Variants in SHCBP1L observed in about 807,000 individuals in gnomAD.
SHCBP1L encodes SHC binding and spindle associated 1 like, also known as testicular spindle-associated protein SHCBP1L.
SHCBP1L carries 67 observed loss-of-function variants against 62.5 expected under a neutral mutation model. That is an observed-to-expected ratio of 1.07 (90% CI 0.88 to 1.31). The LOEUF is 1.31. SHCBP1L is among the 40% of genes most tolerant of loss of function. The pLI, the probability that SHCBP1L is intolerant of heterozygous loss-of-function variation, is 0.00. For missense variants in SHCBP1L, 823 were observed against 809.8 expected, an observed-to-expected ratio of 1.02 and a Z score of -0.20; for synonymous variants, 284 against 289.4, an observed-to-expected ratio of 0.98 and a Z score of 0.19.
At chr1:182,946,266 T>A (rs1651562872) in intron 2 of SHCBP1L, among the ~76,000 whole-genome samples, 1 of 152,112 alleles carries the variant, frequency 6.6e-6, no homozygotes, top group African/African-American at 2.4e-5. Flanking sequence ...ACCTTTACAA[T>A]TTGACAATTT....
At chr1:182,918,620 T>C (rs1650433083) in intron 6 of SHCBP1L, among the ~76,000 whole-genome samples, 1 of 152,170 alleles carries the variant, frequency 6.6e-6, no homozygotes, top group Non-Finnish European at 1.5e-5. Context: ...CCTATCAGAA[T>C]TTCAATAGCC....
At chr1:182,934,580 C>T (rs865896331) in intron 5 of SHCBP1L, among the ~76,000 whole-genome samples, 2 of 152,164 alleles carry the variant, frequency 1.3e-5, no homozygotes, top group Middle Eastern at 6.8e-3. Context: ...ATTTTAGATA[C>T]AAGTCTATCA....
chr1:182,944,876 T>A (rs1651500613), intron 2 of SHCBP1L, among the ~76,000 whole-genome samples: 1 of 152,172 alleles, frequency 6.6e-6, no homozygotes, highest in Admixed American at 6.5e-5. Context: ...TGAGCTGATT[T>A]TTCATTCCTG....
intron 5 of SHCBP1L, among the ~76,000 whole-genome samples, chr1:182,937,514 T>A (rs919469241): frequency 2.0e-5 from 3 of 152,200 alleles, no homozygotes. Context: ...ATATTTATCC[T>A]GTTTGGTGTT....
chr1:182,910,895 G>T (rs535911785), intron 6 of SHCBP1L, among the ~76,000 whole-genome samples: 1 of 151,892 alleles, frequency 6.6e-6, no homozygotes, highest in Non-Finnish European at 1.5e-5. Flanking sequence ...TTTTGTTGTT[G>T]TGGTTTTTTT....
At chr1:182,912,019 A>G (rs566090085) in intron 6 of SHCBP1L, among the ~76,000 whole-genome samples, 13 of 152,352 alleles carry the variant, frequency 8.5e-5, no homozygotes, top group African/African-American at 2.9e-4. Flanking sequence ...TTTTTGTTAT[A>G]ATGTTGGGTG....
chr1:182,906,672 T>G (rs1650024503), intron 6 of SHCBP1L, among the ~76,000 whole-genome samples: 1 of 151,516 alleles, frequency 6.6e-6, no homozygotes, highest in Non-Finnish European at 1.5e-5. Flanking sequence ...CCTCAGGTGG[T>G]CCACCTGCCT....
rs556523444 is a variant in SHCBP1L at position 182,904,374 on chromosome 1, C to T, written c.1393G>A (p.Val465Met). ...TTCACATTGTCAGCTTTGGACACCA[C>T]AAAACTGTCACGAGAAGGTTCAGAA... ...ITSEPSRDSF[V>M]VSKADNVKLM... Residue 465 changes from valine (V) to methionine (M), a missense_variant, in exon 8 of 10, where the codon GTG (valine) becomes ATG (methionine). Transcript: ENST00000367547. 8 of 1,614,178 alleles carry T rather than the reference C, an allele frequency of 5.0e-6. No individual in the cohort carries two copies. The South Asian group carries it at 7.7e-5, about 16-fold the overall frequency.
chr1:182,907,007 G>T (rs182082772), intron 6 of SHCBP1L, among the ~76,000 whole-genome samples: 37 of 151,650 alleles, frequency 2.4e-4, no homozygotes, highest in African/African-American at 8.7e-4. Context: ...TTGTAGAGGT[G>T]GGGTTTCTCT....
At chr1:182,918,203 T>C (rs1251502878) in intron 6 of SHCBP1L, among the ~76,000 whole-genome samples, 4 of 147,558 alleles carry the variant, frequency 2.7e-5, no homozygotes, top group South Asian at 2.1e-4. Context: ...TATATATACA[T>C]ATATATACAC....
intron 9 of SHCBP1L, among the ~76,000 whole-genome samples, chr1:182,901,037 AT>A (rs1649817806): frequency 6.6e-6 from 1 of 152,242 alleles, no homozygotes; most frequent in Non-Finnish European, 1.5e-5. Context: ...ATAATATGTG[AT>A]TTGGAGAAAA....
chr1:182,918,952 A>C (rs776673123), intron 6 of SHCBP1L, among the ~76,000 whole-genome samples: 3 of 152,210 alleles, frequency 2.0e-5, no homozygotes, highest in Non-Finnish European at 2.9e-5. Context: ...TACATGCAAA[A>C]GGATAAAGCT....
rs11309339 is a variant in SHCBP1L, at chr1:182,944,957, CTTTTTTT to C, written c.556-4421_556-4415del. ...TGCTCATTTTCTTTTTTCTTTCTTT[CTTTTTTT>C]TTTTTTTTTTTTTTGAGACGGAGCC... On this transcript the variant is annotated intron_variant, in intron 2 of 9. Coordinates refer to ENST00000367547, the MANE Select transcript of SHCBP1L (RefSeq NM_030933.4). 8.0e-3 allele frequency among the ~76,000 whole-genome samples: 877 copies of C among 109,074 alleles called. 6 individuals are homozygous for C. Among genetic ancestry groups the C allele is most frequent in the African/African-American group, 0.032 (823 of 25,890 alleles). 71.6% of individuals were successfully genotyped at this position (109,074 alleles called of 152,430 possible).
chr1:182,953,042 G>C lies in SHCBP1L; in HGVS notation c.92C>G (p.Ser31Cys). The change falls in exon 1 of 10, where the codon TCC (serine) becomes TGC (cysteine). Residue 31 changes from serine to cysteine, a missense_variant. By Grantham distance (112) the Ser-to-Cys change is moderately radical. Coordinates refer to ENST00000367547, the MANE Select transcript of SHCBP1L (RefSeq NM_030933.4). ...RRGEKSASAV[S>C]GDTAAATTLK... ...GGTGGTCGCGGCCGCCGTGTCCCCGGAGACAGCGGAGGCGGACTTCTCGCC... is the reference window on the plus strand; with the variant it reads ...GGTGGTCGCGGCCGCCGTGTCCCCGCAGACAGCGGAGGCGGACTTCTCGCC... 1 of 1,545,150 alleles carries C rather than the reference G, an allele frequency of 6.5e-7. No individual in the cohort carries two copies. Among genetic ancestry groups the C allele is most frequent in the Non-Finnish European group, 8.7e-7 (1 of 1,150,796 alleles).
chr1:182,952,215 TATATATATATATATATATATACACAC>T (rs1651790618), intron 1 of SHCBP1L, among the ~76,000 whole-genome samples: 2 of 61,160 alleles, frequency 3.3e-5, no homozygotes, highest in African/African-American at 1.8e-4. Flanking sequence ...TATATATATA[TATATATATATATATATATATACACAC>T]ACACACACAC....
chr1:182,940,527 T>C lies in SHCBP1L; in HGVS notation c.572A>G (p.Tyr191Cys), dbSNP rs1462589736. Residue 191 changes from tyrosine (Y) to cysteine (C), a missense_variant, in exon 3 of 10, where the codon TAC becomes TGC. Tyr to Cys is a radical substitution (Grantham distance 194). Coordinates refer to ENST00000367547, the MANE Select transcript of SHCBP1L (RefSeq NM_030933.4). ...TTTGAAACGAGATGATGAGTCTTGG[T>C]ATGGTTCACAAGTTACCTAAGATAA... Reference protein sequence around the residue: ...GILVEVTCEPYQDSSSRFKVT... With the variant: ...GILVEVTCEPCQDSSSRFKVT... 4 of 1,613,850 alleles carry C rather than the reference T, an allele frequency of 2.5e-6. No individual in the cohort carries two copies.
At chr1:182,905,773 T>C (rs1434711632) in intron 6 of SHCBP1L, 124 bp from the exon 7 acceptor site, 1 of 821,264 alleles carries the variant, frequency 1.2e-6, no homozygotes, top group African/African-American at 1.7e-5. Context: ...AGACTAGCAT[T>C]TATTAAATGC....
chr1:182,900,116 T>C lies in SHCBP1L; in HGVS notation c.1829A>G (p.Asn610Ser). 6.2e-7 allele frequency: 1 copy of C among 1,612,708 alleles called. No homozygotes were observed. Among genetic ancestry groups the C allele is most frequent in the Admixed American group, 1.7e-5 (1 of 59,936 alleles). The change falls in exon 10 of 10, where the codon AAC becomes AGC. Residue 610 changes from asparagine to serine, a missense_variant. Physicochemically the swap from Asn to Ser is conservative, Grantham distance 46. Transcript: ENST00000367547. ...TTTATCTCCTGAAGAAGCCCTTTTG[T>C]TGAGAGCTTCTTCTGCTACGATAAA... Reference protein sequence around the residue: ...QFFIVAEEALNKRASSGDKKD... With the variant: ...QFFIVAEEALSKRASSGDKKD...
chr1:182,902,185 G>T (rs916591657), intron 9 of SHCBP1L, among the ~76,000 whole-genome samples: 1 of 151,402 alleles, frequency 6.6e-6, no homozygotes, highest in Non-Finnish European at 1.5e-5. Flanking sequence ...GAATAGCTGG[G>T]ACTACAGGCA....
Sources: gnomAD v4.1 joint callset for allele counts (sites outside exome capture counted in the v4.1 genomes callset) on GRCh38, gnomAD v4.1.1 for gene constraint, MANE v1.5 for transcripts, NCBI Gene and HGNC (gene_info 2026-07-23, HGNC 2026-07-21) for gene names.